The following KCNIP4 variants were observed in gnomAD, a reference collection of about 807,000 sequenced individuals.
KCNIP4 encodes Kv channel-interacting protein 4.
KCNIP4 carries 12 observed loss-of-function variants against 34.0 expected under a neutral mutation model. The ratio of observed to expected loss-of-function variants is 0.35; its 90% CI spans 0.23 to 0.57. The LOEUF is 0.57. KCNIP4 is among the 20% of genes least tolerant of loss of function. The pLI is 0.83. For missense variants in KCNIP4, 238 were observed against 311.7 expected, an observed-to-expected ratio of 0.76 and a Z score of 1.78; for synonymous variants, 124 against 102.2, an observed-to-expected ratio of 1.21 and a Z score of -1.29.
At chr4:21,799,250 A>G (rs913973375) in intron 1 of KCNIP4, among the ~76,000 whole-genome samples, 2 of 152,298 alleles carry the variant, frequency 1.3e-5, no homozygotes, top group Non-Finnish European at 2.9e-5. Context: ...TCTCTCTTTT[A>G]CAGATGAGGT....
chr4:21,300,687 C>T (rs1437636588), intron 1 of KCNIP4, among the ~76,000 whole-genome samples: 6 of 152,070 alleles, frequency 3.9e-5, no homozygotes, highest in Non-Finnish European at 7.4e-5. Context: ...TCTTGAAATA[C>T]AATGAATATT....
At chr4:20,759,591 G>T (rs1482305584) in intron 3 of KCNIP4, among the ~76,000 whole-genome samples, 1 of 152,082 alleles carries the variant, frequency 6.6e-6, no homozygotes, top group African/African-American at 2.4e-5. Context: ...TGACCTGGAG[G>T]GGCCACAGGG....
At chr4:21,886,471 C>G (rs1484759838) in intron 1 of KCNIP4, among the ~76,000 whole-genome samples, 1 of 152,120 alleles carries the variant, frequency 6.6e-6, no homozygotes, top group Non-Finnish European at 1.5e-5. Flanking sequence ...TACTGCCCCT[C>G]TTCAACACTT....
intron 1 of KCNIP4, among the ~76,000 whole-genome samples, chr4:21,296,203 A>C (rs1763831057): frequency 6.6e-6 from 1 of 152,130 alleles, no homozygotes; most frequent in African/African-American, 2.4e-5. Flanking sequence ...ACAAGTCACC[A>C]TCAGAACCAG....
chr4:20,850,760 T>A, intron 2 of KCNIP4, 93 bp from the exon 3 acceptor site: 1 of 1,447,098 alleles, frequency 6.9e-7, no homozygotes, highest in South Asian at 1.3e-5. Flanking sequence ...ACATGTCTGC[T>A]AATGTCTGTG....
intron 3 of KCNIP4, among the ~76,000 whole-genome samples, chr4:20,788,209 G>C (rs1712255950): frequency 6.6e-6 from 1 of 152,042 alleles, no homozygotes; most frequent in Non-Finnish European, 1.5e-5. Flanking sequence ...ATTAATTAAG[G>C]AACTCTAAAC....
intron 1 of KCNIP4, among the ~76,000 whole-genome samples, chr4:21,040,914 T>C (rs1279323081): frequency 1.3e-5 from 2 of 150,260 alleles, no homozygotes; most frequent in African/African-American, 4.9e-5. Context: ...TTAACTGTCT[T>C]CATGTGATAA....
intron 1 of KCNIP4, among the ~76,000 whole-genome samples, chr4:21,818,373 G>A (rs528912992): frequency 1.3e-5 from 2 of 152,164 alleles, no homozygotes; most frequent in South Asian, 4.1e-4. Context: ...AGAGATGCAT[G>A]TTCATGTCTT....
chr4:21,660,452 T>G (rs1020765068), intron 1 of KCNIP4, among the ~76,000 whole-genome samples: 1 of 152,172 alleles, frequency 6.6e-6, no homozygotes, highest in Non-Finnish European at 1.5e-5. Flanking sequence ...ATATAACATA[T>G]TTTTACTTTC....
At chr4:21,233,008 G>C (rs1036751816) in intron 1 of KCNIP4, among the ~76,000 whole-genome samples, 4 of 152,216 alleles carry the variant, frequency 2.6e-5, no homozygotes, top group African/African-American at 9.6e-5. Flanking sequence ...TTTACTAAAA[G>C]AACATCAGAG....
chr4:21,793,663 T>G (rs529254931), intron 1 of KCNIP4, among the ~76,000 whole-genome samples: 1 of 152,342 alleles, frequency 6.6e-6, no homozygotes, highest in East Asian at 1.9e-4. Context: ...ACCTGAATCC[T>G]CCTTTTATGT....
intron 1 of KCNIP4, among the ~76,000 whole-genome samples, chr4:21,621,464 C>T (rs756161391): frequency 1.3e-5 from 2 of 152,228 alleles, no homozygotes; most frequent in South Asian, 2.1e-4. Flanking sequence ...TAGGCTCAAG[C>T]GATGGATCGT....
chr4:21,917,583 G>T (rs548272150), intron 1 of KCNIP4, among the ~76,000 whole-genome samples: 1 of 152,072 alleles, frequency 6.6e-6, no homozygotes, highest in Non-Finnish European at 1.5e-5. Flanking sequence ...AGCTACTAAG[G>T]GGTAGATTGA....
At chr4:20,948,097 T>C (rs1450289363) in intron 1 of KCNIP4, among the ~76,000 whole-genome samples, 1 of 152,162 alleles carries the variant, frequency 6.6e-6, no homozygotes, top group Non-Finnish European at 1.5e-5. Flanking sequence ...GAAAGATAAC[T>C]CCTGCTTCTG....
At chr4:21,198,262 G>GA (rs1756200729) in intron 1 of KCNIP4, among the ~76,000 whole-genome samples, 3 of 152,082 alleles carry the variant, frequency 2.0e-5, no homozygotes, top group Admixed American at 1.3e-4. Context: ...AACACTGTTA[G>GA]AAAAAAATTT....
chr4:20,973,831 T>C (rs1735217173), intron 1 of KCNIP4, among the ~76,000 whole-genome samples: 1 of 152,124 alleles, frequency 6.6e-6, no homozygotes, highest in Non-Finnish European at 1.5e-5. Flanking sequence ...GCAGTCAGAA[T>C]ACACACAATA....
At chr4:21,491,260 T>C (rs1437497522) in intron 1 of KCNIP4, among the ~76,000 whole-genome samples, 1 of 152,106 alleles carries the variant, frequency 6.6e-6, no homozygotes, top group Middle Eastern at 3.2e-3. Context: ...TTCTGGCCCA[T>C]GAAAACTTCC....
At chr4:21,677,890 C>T (rs1020203075) in intron 1 of KCNIP4, among the ~76,000 whole-genome samples, 1 of 152,200 alleles carries the variant, frequency 6.6e-6, no homozygotes, top group East Asian at 1.9e-4. Context: ...GCTGGGACTA[C>T]AGCCATGAGT....
intron 1 of KCNIP4, among the ~76,000 whole-genome samples, chr4:21,740,155 T>C (rs1429558901): frequency 6.6e-6 from 1 of 151,948 alleles, no homozygotes; most frequent in East Asian, 1.9e-4. Flanking sequence ...CATAAGAAAA[T>C]ATATGTATAT....
Sources: allele counts gnomAD v4.1 joint callset (sites outside exome capture counted in the v4.1 genomes callset), GRCh38; gene constraint gnomAD v4.1.1; transcripts MANE v1.5; gene names NCBI Gene and HGNC (gene_info 2026-07-23, HGNC 2026-07-21).